Variants in CASK observed in about 807,000 individuals in gnomAD.
CASK encodes the protein calcium/calmodulin dependent serine protein kinase, also known as peripheral plasma membrane protein CASK.
In CASK, 4 loss-of-function variants were observed where a neutral mutation model predicts 82.9. That is an observed-to-expected ratio of 0.05 (90% CI 0.02 to 0.11). CASK has a LOEUF of 0.11. CASK is among the 10% of genes least tolerant of loss of function. CASK has a pLI of 1.00. For synonymous variants in CASK, 259 were observed against 253.5 expected (o/e 1.02, Z -0.20); for missense variants, 358 against 720.9 (o/e 0.50, Z 5.76).
At chrX:41,891,984 G>A (rs999818701) in intron 1 of CASK, among the ~76,000 whole-genome samples, 2 of 111,472 alleles carry the variant, frequency 1.8e-5, no homozygotes, top group African/African-American at 6.5e-5. Flanking sequence ...GAGCCCAGGA[G>A]TTCAAGACCA....
At chrX:41,601,583 G>C (rs1246084884) in intron 12 of CASK, among the ~76,000 whole-genome samples, 2 of 111,367 alleles carry the variant, frequency 1.8e-5, no homozygotes, top group Admixed American at 1.9e-4. Flanking sequence ...TTTTAATTTA[G>C]TGTAATGGCC....
intron 12 of CASK, among the ~76,000 whole-genome samples, chrX:41,592,395 G>T (rs1189697642): frequency 9.0e-6 from 1 of 110,725 alleles, no homozygotes; most frequent in African/African-American, 3.3e-5. Context: ...CTATGATTAT[G>T]GTTCGTTTCT....
rs750809934 is a variant in CASK at position 41,654,566 on chromosome X, G to A, written c.831+5873C>T. ...CGGGCACCTGTAATCGCAGCTACTCGGGAAGCTGAGGCAGGAGAATGGCTT... is the reference window on the plus strand; with the variant it reads ...CGGGCACCTGTAATCGCAGCTACTCAGGAAGCTGAGGCAGGAGAATGGCTT... On this transcript the variant is annotated intron_variant, in intron 8 of 26. Coordinates refer to ENST00000378163, the MANE Select transcript of CASK (RefSeq NM_001367721.1). Among the ~76,000 whole-genome samples, 5 of 111,111 alleles carry A rather than the reference G, an allele frequency of 4.5e-5. No homozygotes were observed. In the South Asian group the frequency reaches 1.1e-3, roughly 25 times the overall value.
intron 2 of CASK, among the ~76,000 whole-genome samples, chrX:41,828,208 A>G (rs1302869482): frequency 1.8e-5 from 2 of 111,976 alleles, no homozygotes; most frequent in African/African-American, 6.5e-5. Context: ...TCCCACTTTG[A>G]TGGATCTGTA....
In CASK at chrX:41,515,705, G is replaced by C. The variant is rs1159325347; in HGVS notation, c.*4715C>G. On this transcript the variant is annotated 3_prime_UTR_variant, in exon 27 of 27. Transcript: ENST00000378163. ...CTTCCAAATAAAAAAAAAATAGGGGGAGCCACTCACTGTGGAGGAATGCCT... is the reference window on the plus strand; with the variant it reads ...CTTCCAAATAAAAAAAAAATAGGGGCAGCCACTCACTGTGGAGGAATGCCT... 2 of 111,435 alleles carry C rather than the reference G, an allele frequency of 1.8e-5. No individual in the cohort carries two copies. Among genetic ancestry groups the C allele is most frequent in the Non-Finnish European group, 3.8e-5 (2 of 53,034 alleles). 9.2% of individuals were successfully genotyped at this position (111,435 alleles called of 1,213,427 possible). A position where few individuals can be genotyped will look rare whatever the true frequency, so the allele number is the denominator to read the frequency against.
chrX:41,728,340 A>C (rs1369754224), intron 5 of CASK: 7 of 176,901 alleles, frequency 4.0e-5, no homozygotes, highest in Non-Finnish European at 5.6e-5. Flanking sequence ...AGAACACGTT[A>C]TTTCATGACT....
chrX:41,570,690 T>C (rs947406041), intron 15 of CASK, among the ~76,000 whole-genome samples: 5 of 112,332 alleles, frequency 4.5e-5, no homozygotes, highest in Non-Finnish European at 9.4e-5. Context: ...AATGAAATCA[T>C]ACAGTATGAA....
In CASK at chrX:41,553,770, T is replaced by C; in HGVS notation, c.1988A>G (p.Asn663Ser). 8.3e-7 allele frequency: 1 copy of C among 1,206,649 alleles called. No homozygotes were observed. Among genetic ancestry groups the C allele is most frequent in the Non-Finnish European group, 1.1e-6 (1 of 891,595 alleles). ...DHNWWQGKLENSKNGTAGLIP... is the reference protein window; with the variant it reads ...DHNWWQGKLESSKNGTAGLIP... The stretch of plus-strand genomic sequence containing the variant: ...GAGACCTGCAGTTCCATTTTTGGAG[T>C]TTTCCAGTTTACCCTGCCACCAATT... The change falls in exon 21 of 27, where the codon AAC (asparagine) becomes AGC (serine). Residue 663 changes from asparagine (N) to serine (S), a missense_variant. Coordinates refer to ENST00000378163, the MANE Select transcript of CASK (RefSeq NM_001367721.1).
intron 5 of CASK, among the ~76,000 whole-genome samples, chrX:41,730,763 C>T (rs913537313): frequency 1.3e-4 from 14 of 111,257 alleles, no homozygotes; most frequent in Non-Finnish European, 2.3e-4. Context: ...AGTGCAGTGG[C>T]GTGATCTGGC....
chrX:41,572,336 A>G (rs2065424809), intron 15 of CASK, among the ~76,000 whole-genome samples: 1 of 111,159 alleles, frequency 9.0e-6, no homozygotes, highest in African/African-American at 3.3e-5. Flanking sequence ...TCTGGTATAA[A>G]TATATATTCT....
At chrX:41,792,805 C>T (rs2147845483) in intron 2 of CASK, among the ~76,000 whole-genome samples, 1 of 111,344 alleles carries the variant, frequency 9.0e-6, no homozygotes, top group South Asian at 3.7e-4. Flanking sequence ...GTACTATTAT[C>T]TCTGAGATCT....
intron 4 of CASK, chrX:41,743,554 A>G (rs1275149263): frequency 7.0e-6 from 2 of 287,592 alleles, no homozygotes; most frequent in African/African-American, 5.5e-5. Flanking sequence ...CACAGCGACC[A>G]CACATTGAGC....
chrX:41,894,450 G>A (rs1362932716), intron 1 of CASK, among the ~76,000 whole-genome samples: 1 of 110,912 alleles, frequency 9.0e-6, no homozygotes, highest in African/African-American at 3.3e-5. Flanking sequence ...ATTTCAACGA[G>A]TAATCCATTT....
intron 7 of CASK, among the ~76,000 whole-genome samples, chrX:41,660,816 T>C (rs184470992): frequency 5.3e-5 from 6 of 112,385 alleles, no homozygotes; most frequent in Non-Finnish European, 1.9e-5. Flanking sequence ...TTTCAATAAT[T>C]GAAGACTAGA....
chrX:41,733,730 C>T (rs2068448358), intron 5 of CASK, among the ~76,000 whole-genome samples: 1 of 109,745 alleles, frequency 9.1e-6, no homozygotes, highest in Non-Finnish European at 1.9e-5. Context: ...GCCTGGGCGA[C>T]AGAGTGAGAC....
At chrX:41,663,989 A>C (rs924046618) in intron 7 of CASK, among the ~76,000 whole-genome samples, 2 of 112,034 alleles carry the variant, frequency 1.8e-5, no homozygotes, top group Non-Finnish European at 3.8e-5. Flanking sequence ...AAGAGGGATG[A>C]CTACTTACAA....
chrX:41,523,836 T>A, intron 26 of CASK, 115 bp downstream of exon 26: 1 of 585,568 alleles, frequency 1.7e-6, no homozygotes, highest in Non-Finnish European at 2.9e-6. Context: ...CTATTCCACA[T>A]CCCATTTCAT....
intron 2 of CASK, among the ~76,000 whole-genome samples, chrX:41,832,340 G>A (rs2070839682): frequency 8.9e-6 from 1 of 111,758 alleles, no homozygotes; most frequent in South Asian, 3.7e-4. Flanking sequence ...TGTGTCATGG[G>A]GCCAGTTCCA....
At chrX:41,526,569 G>A (rs1398712440) in intron 25 of CASK, among the ~76,000 whole-genome samples, 2 of 111,876 alleles carry the variant, frequency 1.8e-5, no homozygotes, top group Non-Finnish European at 3.8e-5. Context: ...CACACCCTTG[G>A]TCTATATCCA....
Sources: gnomAD v4.1 joint callset for allele counts (sites outside exome capture counted in the v4.1 genomes callset) on GRCh38, gnomAD v4.1.1 for gene constraint, MANE v1.5 for transcripts, NCBI Gene and HGNC (gene_info 2026-07-23, HGNC 2026-07-21) for gene names.